Variants in ADRA1D observed in about 807,000 individuals in gnomAD.
The protein encoded by ADRA1D is adrenoceptor alpha 1D, also known as alpha-1D adrenergic receptor.
In ADRA1D, 22 loss-of-function variants were observed where a neutral mutation model predicts 18.6. The ratio of observed to expected loss-of-function variants is 1.19; its 90% confidence interval spans 0.85 to 1.69. The LOEUF (loss-of-function observed/expected upper bound fraction) is 1.69. ADRA1D is among the 40% of genes most tolerant of loss of function. ADRA1D has a pLI of 0.00. For synonymous variants in ADRA1D, 376 were observed against 388.2 expected, an observed-to-expected ratio of 0.97 and a Z score of 0.37; for missense variants, 840 against 840.7, an observed-to-expected ratio of 1.00 and a Z score of 0.01.
rs1423948435 is a variant in ADRA1D at position 4,222,641 on chromosome 20, C to T, written c.1112-511G>A. Among the ~76,000 whole-genome samples, 1 of 152,090 alleles carries T rather than the reference C, an allele frequency of 6.6e-6. No homozygotes were observed. Among genetic ancestry groups the T allele is most frequent in the East Asian group, 1.9e-4 (1 of 5,198 alleles). ...CTGTTTTCCTGAAATGATAAATGACCCTAGTCCTTGCCTCTTCCTACACAG... is the reference window on the plus strand; with the variant it reads ...CTGTTTTCCTGAAATGATAAATGACTCTAGTCCTTGCCTCTTCCTACACAG... On this transcript the variant is annotated intron_variant, in intron 1 of 1. Coordinates refer to ENST00000379453, the MANE Select transcript of ADRA1D (RefSeq NM_000678.4). The surrounding 1 kb of genome is among the most constrained non-coding windows in gnomAD (Gnocchi z 4.3).
intron 1 of ADRA1D, among the ~76,000 whole-genome samples, chr20:4,229,577 C>A (rs1324187129): frequency 2.0e-5 from 3 of 151,256 alleles, no homozygotes; most frequent in Non-Finnish European, 4.4e-5. Context: ...GAGGAACATT[C>A]CAGCAGAGGA....
At position 4,248,938 on chromosome 20, in the gene ADRA1D, A is replaced by G; in HGVS notation, c.20T>C (p.Leu7Pro). 1 of 1,349,522 alleles carries G rather than the reference A, an allele frequency of 7.4e-7. No homozygotes were observed. 83.6% of individuals were successfully genotyped at this position (1,349,522 alleles called of 1,614,324 possible). A position where few individuals can be genotyped will look rare whatever the true frequency, so the allele number is the denominator to read the frequency against. ...GCGGGGTCCCTCGAAACTGACGCTC[A>G]GGAGATCGCGGAAAGTCATCTCAAC... MTFRDL[L>P]SVSFEGPRPD... is the part of the protein sequence containing the mutation. Residue 7 changes from leucine to proline, a missense_variant, in exon 1 of 2, where the codon CTG (leucine) becomes CCG (proline). By Grantham distance (98) the Leu-to-Pro change is moderately conservative. Transcript: ENST00000379453.
In ADRA1D at chr20:4,221,343, T is replaced by G; in HGVS notation, c.*180A>C. 1 of 666,126 alleles carries G rather than the reference T, an allele frequency of 1.5e-6. No homozygotes were observed. Among genetic ancestry groups the G allele is most frequent in the Non-Finnish European group, 2.4e-6 (1 of 422,564 alleles). The allele number at this position is 666,126 out of a possible 1,614,324, so 41.3% of individuals were successfully genotyped here. Reference sequence around the variant, plus strand: ...AGTCCAGCAGGGGGCCCCACTACTTTTCACCTTTCAAGGGCTCCAGCCTCA... The same window carrying G: ...AGTCCAGCAGGGGGCCCCACTACTTGTCACCTTTCAAGGGCTCCAGCCTCA... On this transcript the variant is annotated 3_prime_UTR_variant, in exon 2 of 2. Coordinates refer to ENST00000379453, the MANE Select transcript of ADRA1D (RefSeq NM_000678.4).
chr20:4,248,231 C>A lies in ADRA1D; in HGVS notation c.727G>T (p.Glu243Ter), dbSNP rs759163733. 1 of 1,602,558 alleles carries A rather than the reference C, an allele frequency of 6.2e-7. No individual in the cohort carries two copies. Among genetic ancestry groups the A allele is most frequent in the South Asian group, 1.1e-5 (1 of 89,124 alleles). ...LGWKEPVPPD[E>*]RFCGITEEAG... ...TCCTCGGTGATACCGCAGAAGCGCT[C>A]GTCAGGGGGCACGGGCTCCTTCCAG... Residue 243 changes from glutamate (E) to a stop codon, truncating the protein, a stop_gained, in exon 1 of 2, where the codon GAG becomes TAG. Coordinates refer to ENST00000379453, the MANE Select transcript of ADRA1D (RefSeq NM_000678.4). LOFTEE classifies it high-confidence loss of function.
In ADRA1D at chr20:4,221,819, G is replaced by GGGGTTC; in HGVS notation, c.1417_1422dup (p.Glu473_Pro474dup). 4 of 1,532,862 alleles carry GGGGTTC rather than the reference G, an allele frequency of 2.6e-6. No homozygotes were observed. Among genetic ancestry groups the GGGGTTC allele is most frequent in the Non-Finnish European group, 3.5e-6 (4 of 1,145,002 alleles). 95.0% of individuals were successfully genotyped at this position (1,532,862 alleles called of 1,614,324 possible). On this transcript the variant is annotated inframe_insertion, in exon 2 of 2. Coordinates refer to ENST00000379453, the MANE Select transcript of ADRA1D (RefSeq NM_000678.4). ...GGAGCCTGCATCTCGGGCGTGCCTG[G>GGGGTTC]GGGTTCGGGGTCGGGGTCGGGGAGC... is the stretch of plus-strand genomic sequence containing the variant.
chr20:4,229,329 G>A (rs1980900616), intron 1 of ADRA1D, among the ~76,000 whole-genome samples: 1 of 152,036 alleles, frequency 6.6e-6, no homozygotes, highest in Non-Finnish European at 1.5e-5. Flanking sequence ...CATTTCACTG[G>A]GGAAGACAGG....
Position 4,222,025 on chromosome 20 carries a change from C to A in ADRA1D, c.1217G>T (p.Ser406Ile). The A allele has an allele frequency of 6.2e-7, 1 of 1,607,460 alleles. No individual in the cohort carries two copies. Among genetic ancestry groups the A allele is most frequent in the Non-Finnish European group, 8.5e-7 (1 of 1,176,706 alleles). Residue 406 changes from serine (S) to isoleucine (I), a missense_variant, in exon 2 of 2, where the codon AGC becomes ATC. Coordinates refer to ENST00000379453, the MANE Select transcript of ADRA1D (RefSeq NM_000678.4). The surrounding 1 kb of genome is among the most constrained non-coding windows in gnomAD (Gnocchi z 4.3). ...GAGGAAGGCGCGCTTGAACTCGCGGCTGGAACAGGGGTAGATGAGCGGGTT... is the reference window on the plus strand; with the variant it reads ...GAGGAAGGCGCGCTTGAACTCGCGGATGGAACAGGGGTAGATGAGCGGGTT... ...CVNPLIYPCS[S>I]REFKRAFLRL...
At chr20:4,246,010 A>T (rs1360159331) in intron 1 of ADRA1D, among the ~76,000 whole-genome samples, 2 of 152,178 alleles carry the variant, frequency 1.3e-5, no homozygotes, top group Non-Finnish European at 2.9e-5. Context: ...GATAGGCATG[A>T]TTACCATCAC....
rs995351435 is a variant in ADRA1D at position 4,232,910 on chromosome 20, G to A, written c.1112-10780C>T. ...TTGCCCCAGGGATCCCTGTGGGGTC[G>A]GGCTAAGGCCAAGCTTTGCCTCAAC... is the stretch of plus-strand genomic sequence containing the variant. On this transcript the variant is annotated intron_variant, in intron 1 of 1. Transcript: ENST00000379453. 3.9e-5 allele frequency among the ~76,000 whole-genome samples: 6 copies of A among 152,160 alleles called. No homozygotes were observed. In the South Asian group the frequency reaches 6.2e-4, roughly 16 times the overall value.
chr20:4,243,305 C>T (rs1172480569), intron 1 of ADRA1D, among the ~76,000 whole-genome samples: 1 of 151,802 alleles, frequency 6.6e-6, no homozygotes, highest in Admixed American at 6.6e-5. Context: ...CAGGCTCTCA[C>T]TGCGGCCCCT....
In ADRA1D at chr20:4,248,373, G is replaced by T; in HGVS notation, c.585C>A (p.Tyr195Ter). ...ACTTGAGTGAGTGGCGCACGCCCAC[G>T]TACCGGTCCACGGAGATGGTGCAGA... The part of the protein sequence containing the change: ...LSLCTISVDR[Y>*]VGVRHSLKYP... Residue 195 changes from tyrosine to a stop codon, truncating the protein, a stop_gained, in exon 1 of 2, where the codon TAC becomes TAA. Transcript: ENST00000379453. LOFTEE classifies it high-confidence loss of function. 6.2e-7 allele frequency: 1 copy of T among 1,608,458 alleles called. No homozygotes were observed. The highest frequency in any genetic ancestry group is 8.5e-7 in the Non-Finnish European group (1 of 1,177,594).
Position 4,248,812 on chromosome 20 carries a change from C to T in ADRA1D, c.146G>A (p.Gly49Asp), listed in dbSNP as rs993182978. The T allele has an allele frequency of 3.8e-5, 41 of 1,073,046 alleles. No individual in the cohort carries two copies. In the African/African-American group the frequency reaches 4.6e-4, roughly 12 times the overall value. 66.5% of individuals were successfully genotyped at this position (1,073,046 alleles called of 1,614,324 possible). ...EGPAVGGVPG[G>D]AGGGGGVVGA... ...CACCACGCCGCCGCCGCCGCCCGCG[C>T]CCCCCGGCACGCCGCCCACCGCCGG... is the stretch of plus-strand genomic sequence containing the variant. Residue 49 changes from glycine (G) to aspartate (D), a missense_variant, in exon 1 of 2, where the codon GGC becomes GAC. Physicochemically the swap from Gly to Asp is moderately conservative, Grantham distance 94. Transcript: ENST00000379453.
chr20:4,246,196 C>CAGT (rs1981333427), intron 1 of ADRA1D, among the ~76,000 whole-genome samples: 1 of 152,218 alleles, frequency 6.6e-6, no homozygotes, highest in South Asian at 2.1e-4. Flanking sequence ...GCCGTGGACT[C>CAGT]AGTGATGACC....
chr20:4,234,160 T>C (rs1981035117), intron 1 of ADRA1D, among the ~76,000 whole-genome samples: 1 of 152,188 alleles, frequency 6.6e-6, no homozygotes, highest in South Asian at 2.1e-4. Flanking sequence ...GCCCAGATTA[T>C]CATAAGCCAG....
At chr20:4,242,395 T>A (rs1222882118) in intron 1 of ADRA1D, among the ~76,000 whole-genome samples, 1 of 152,218 alleles carries the variant, frequency 6.6e-6, no homozygotes, top group African/African-American at 2.4e-5. Context: ...AACCCAGCAA[T>A]ACTGCTACTC....
intron 1 of ADRA1D, among the ~76,000 whole-genome samples, chr20:4,227,664 CTCCTTCCT>C (rs1267029945): frequency 9.6e-6 from 1 of 104,094 alleles, no homozygotes; most frequent in Non-Finnish European, 2.3e-5. Flanking sequence ...CCTTCCTTCC[CTCCTTCCT>C]TCCTTCCTTC....
chr20:4,229,425 T>TAGA (rs11482628), intron 1 of ADRA1D, among the ~76,000 whole-genome samples: 2,163 of 151,550 alleles, frequency 0.014, 46 homozygotes, highest in African/African-American at 0.05. Flanking sequence ...GGAAGGAAGA[T>TAGA]GGGGGCGAGT....
At position 4,221,618 on chromosome 20, in the gene ADRA1D, C is replaced by G. The variant is rs1219907436; in HGVS notation, c.1624G>C (p.Val542Leu). 1.2e-6 allele frequency: 2 copies of G among 1,613,538 alleles called. No individual in the cohort carries two copies. The highest frequency in any genetic ancestry group is 3.3e-5 in the Admixed American group (2 of 60,012). ...ACAQRSEVEA[V>L]SLGVPHEVAE... ...ACCTCGTGTGGGACGCCTAGGGACA[C>G]AGCCTCCACCTCTGAGCGCTGGGCG... Residue 542 changes from valine (V) to leucine (L), a missense_variant, in exon 2 of 2, where the codon GTG (valine) becomes CTG (leucine). By Grantham distance (32) the Val-to-Leu change is conservative. Coordinates refer to ENST00000379453, the MANE Select transcript of ADRA1D (RefSeq NM_000678.4).
rs1174027031 is a variant in ADRA1D at position 4,248,713 on chromosome 20, T to G, written c.245A>C (p.Asn82Thr). The change falls in exon 1 of 2, where the codon AAT (asparagine) becomes ACT (threonine). Residue 82 changes from asparagine to threonine, a missense_variant. Physicochemically the swap from Asn to Thr is moderately conservative, Grantham distance 65. Transcript: ENST00000379453. The part of the protein sequence containing the change: ...PGSAGAGGDV[N>T]GTAAVGGLVV... ...CAGTCCCCCGACGGCCGCCGTGCCA[T>G]TCACGTCGCCGCCCGCGCCCGCGCT... 32 of 1,562,496 alleles carry G rather than the reference T, an allele frequency of 2.0e-5. No individual in the cohort carries two copies. The highest frequency in any genetic ancestry group is 2.8e-5 in the Non-Finnish European group (32 of 1,154,510).
Sources: allele counts gnomAD v4.1 joint callset (sites outside exome capture counted in the v4.1 genomes callset), GRCh38; gene constraint gnomAD v4.1.1; non-coding constraint Gnocchi (gnomAD v3.1); transcripts MANE v1.5; gene names NCBI Gene and HGNC (gene_info 2026-07-23, HGNC 2026-07-21).